Variants in TMEM266 observed in about 807,000 individuals in gnomAD.
TMEM266 encodes the protein Hv1 related protein 1.
TMEM266 carries 33 observed loss-of-function variants against 50.5 expected under a neutral mutation model. The ratio of observed to expected loss-of-function variants is 0.65; its 90% CI spans 0.50 to 0.87. The LOEUF (loss-of-function observed/expected upper bound fraction) is 0.87, where lower values mean the gene tolerates loss of function less well. Ranked by LOEUF, TMEM266 falls within the 40% of genes least tolerant of loss-of-function variation. The probability of loss-of-function intolerance (pLI) is 0.00; values close to 1 mark genes in which losing one functional copy is unlikely to be tolerated. For synonymous variants in TMEM266, 310 were observed against 292.3 expected, an observed-to-expected ratio of 1.06 and a Z score of -0.62; for missense variants, 655 against 695.1, an observed-to-expected ratio of 0.94 and a Z score of 0.65.
intron 1 of TMEM266, among the ~76,000 whole-genome samples, chr15:76,078,194 G>T (rs2036632079): frequency 6.6e-6 from 1 of 152,004 alleles, no homozygotes; most frequent in South Asian, 2.1e-4. Context: ...GTCCTGGAAG[G>T]GTCACTGGGC....
chr15:76,171,230 C>T (rs549165147), intron 7 of TMEM266, 99 bp downstream of exon 7: 17 of 1,482,426 alleles, frequency 1.1e-5, no homozygotes, highest in South Asian at 5.3e-5. Context: ...ACCCTGCTGG[C>T]GTCAGGACGG....
Position 76,109,081 on chromosome 15 carries a change from A to G in TMEM266, c.-96-25087A>G, listed in dbSNP as rs537324156. 5.9e-5 allele frequency: 9 copies of G among 152,286 alleles called. 2 individuals carry two copies. In the South Asian group the frequency reaches 1.2e-3, roughly 21 times the overall value. 9.4% of individuals were successfully genotyped at this position (152,286 alleles called of 1,614,324 possible). On this transcript the variant is annotated intron_variant, in intron 1 of 10. Transcript: ENST00000388942. ...ACATTACCTGGGACCGGGTCACCTG[A>G]GAAGATCTTTGTATCAGATGTTCCT...
In TMEM266 at chr15:76,202,263, TG is replaced by T; in HGVS notation, c.1021+1del. 6.2e-7 allele frequency: 1 copy of T among 1,613,146 alleles called. No individual in the cohort carries two copies. Among genetic ancestry groups the T allele is most frequent in the African/African-American group, 1.3e-5 (1 of 75,002 alleles). ...GTCAGTATTACAATGGGCCCAGCAG[TG>T]GTAAGTCTGGGTTGGGGCTGTTCTA... is the stretch of plus-strand genomic sequence containing the variant. On this transcript the variant is annotated frameshift_variant and splice_region_variant, in exon 10 of 11. Coordinates refer to ENST00000388942, the MANE Select transcript of TMEM266 (RefSeq NM_152335.3). LOFTEE classifies it low-confidence loss of function (END_TRUNC).
At chr15:76,203,062 C>G (rs2038774740) in intron 10 of TMEM266, among the ~76,000 whole-genome samples, 1 of 152,132 alleles carries the variant, frequency 6.6e-6, no homozygotes, top group African/African-American at 2.4e-5. Flanking sequence ...CCACCCTGCA[C>G]CCTCTGTAGG....
At chr15:76,064,531 G>T (rs1013986932) in intron 1 of TMEM266, among the ~76,000 whole-genome samples, 4 of 152,192 alleles carry the variant, frequency 2.6e-5, no homozygotes, top group African/African-American at 9.7e-5. Flanking sequence ...GTTATGGAAA[G>T]AAGCCTGGGA....
intron 4 of TMEM266, among the ~76,000 whole-genome samples, chr15:76,157,125 T>G (rs1159006813): frequency 6.6e-6 from 1 of 152,124 alleles, no homozygotes; most frequent in Non-Finnish European, 1.5e-5. Flanking sequence ...CTAAAGAGAG[T>G]TCCCATTTAC....
chr15:76,131,599 T>G (rs1422114146), intron 1 of TMEM266, among the ~76,000 whole-genome samples: 1 of 152,228 alleles, frequency 6.6e-6, no homozygotes, highest in Admixed American at 6.5e-5. Flanking sequence ...AAATCTGTTA[T>G]GGAATTTTAT....
chr15:76,176,090 A>G (rs375982512), intron 8 of TMEM266: 48 of 179,820 alleles, frequency 2.7e-4, no homozygotes, highest in African/African-American at 1.1e-3. Context: ...CCCCAGAAAG[A>G]TGCTAGCGGT....
chr15:76,190,391 G>T (rs143050107), intron 8 of TMEM266, among the ~76,000 whole-genome samples: 17 of 152,352 alleles, frequency 1.1e-4, no homozygotes, highest in African/African-American at 3.1e-4. Flanking sequence ...AAGCTAAGGA[G>T]CTCGGGCTGT....
chr15:76,120,319 T>A (rs2037320716), intron 1 of TMEM266, among the ~76,000 whole-genome samples: 1 of 152,070 alleles, frequency 6.6e-6, no homozygotes, highest in African/African-American at 2.4e-5. Flanking sequence ...AAAGAATGAA[T>A]TAGAGTTTTA....
intron 1 of TMEM266, among the ~76,000 whole-genome samples, chr15:76,099,544 G>A (rs1428690548): frequency 1.3e-5 from 2 of 152,182 alleles, no homozygotes; most frequent in Non-Finnish European, 2.9e-5. Flanking sequence ...ACAATCCCAG[G>A]TGCTATTTTT....
chr15:76,165,922 G>T (rs1026098217), intron 5 of TMEM266, among the ~76,000 whole-genome samples: 1 of 152,198 alleles, frequency 6.6e-6, no homozygotes, highest in Non-Finnish European at 1.5e-5. Flanking sequence ...CATCCCTGCG[G>T]TTCCGTCGGG....
At chr15:76,102,961 T>C (rs1244801200) in intron 1 of TMEM266, among the ~76,000 whole-genome samples, 3 of 150,140 alleles carry the variant, frequency 2.0e-5, no homozygotes, top group African/African-American at 4.9e-5. Context: ...CTTGAAACCA[T>C]CATGCACTGG....
intron 1 of TMEM266, among the ~76,000 whole-genome samples, chr15:76,088,582 G>C (rs1260063726): frequency 6.8e-6 from 1 of 147,182 alleles, no homozygotes; most frequent in Non-Finnish European, 1.5e-5. Flanking sequence ...GGATCATGAG[G>C]TTAGGAGATC....
Position 76,204,466 on chromosome 15 carries a change from CAGG to C in TMEM266, c.*155_*157del, listed in dbSNP as rs2142095638. On this transcript the variant is annotated 3_prime_UTR_variant, in exon 11 of 11. Coordinates refer to ENST00000388942, the MANE Select transcript of TMEM266 (RefSeq NM_152335.3). ...TGCCTCCAGGGAGGCGACGCCAGGC[CAGG>C]AGGCCACAAGCTTCAGACCTCAAAG... The C allele has an allele frequency of 1.5e-6, 1 of 657,182 alleles. No homozygotes were observed. The highest frequency in any genetic ancestry group is 2.4e-5 in the South Asian group (1 of 41,902). 40.7% of individuals were successfully genotyped at this position (657,182 alleles called of 1,614,324 possible).
chr15:76,158,645 T>G (rs1596141641), intron 4 of TMEM266, among the ~76,000 whole-genome samples: 1 of 152,250 alleles, frequency 6.6e-6, no homozygotes, highest in Non-Finnish European at 1.5e-5. Flanking sequence ...AGAGATTTAT[T>G]GCTCTTCTAA....
intron 1 of TMEM266, among the ~76,000 whole-genome samples, chr15:76,101,223 A>G (rs2036995035): frequency 6.6e-6 from 1 of 152,208 alleles, no homozygotes; most frequent in Non-Finnish European, 1.5e-5. Flanking sequence ...AGGGATGTCA[A>G]GTAGCTGAAG....
chr15:76,172,096 G>C (rs1194119510), intron 7 of TMEM266, among the ~76,000 whole-genome samples: 2 of 152,172 alleles, frequency 1.3e-5, no homozygotes, highest in African/African-American at 4.8e-5. Flanking sequence ...TAGGGGGCTG[G>C]TCAGCCTCCA....
chr15:76,196,658 A>G (rs2038661623), intron 9 of TMEM266, among the ~76,000 whole-genome samples: 1 of 151,942 alleles, frequency 6.6e-6, no homozygotes, highest in Admixed American at 6.5e-5. Flanking sequence ...TAACCTACAG[A>G]CATGAGCTGT....
Sources: gnomAD v4.1 joint callset for allele counts (sites outside exome capture counted in the v4.1 genomes callset) on GRCh38, gnomAD v4.1.1 for gene constraint, MANE v1.5 for transcripts, NCBI Gene and HGNC (gene_info 2026-07-23, HGNC 2026-07-21) for gene names.